The following RELN variants were observed in gnomAD, a reference collection of about 807,000 sequenced individuals.
RELN encodes reelin.
RELN carries 108 observed loss-of-function variants against 427.6 expected under a neutral mutation model. The observed-to-expected ratio is 0.25, with a 90% CI of 0.22 to 0.30. RELN has a LOEUF of 0.30. Ranked by LOEUF, RELN falls within the 10% of genes least tolerant of loss-of-function variation. The pLI is 1.00. For missense variants in RELN, 3,715 were observed against 4,302.8 expected (o/e 0.86, Z 3.82); for synonymous variants, 1,524 against 1,513.4 (o/e 1.01, Z -0.16).
In RELN at chr7:103,604,500, G is replaced by A; in HGVS notation, c.3009-17C>T. 1.2e-6 allele frequency: 2 copies of A among 1,613,660 alleles called. No homozygotes were observed. Among genetic ancestry groups the A allele is most frequent in the Non-Finnish European group, 1.7e-6 (2 of 1,179,686 alleles). ...GCACTGGACCTAGAAACACGGTATA[G>A]TATAACAAAAACGGTTTCAACCTTT... On this transcript the variant is annotated splice_polypyrimidine_tract_variant and intron_variant, in intron 22 of 64. Coordinates refer to ENST00000428762, the MANE Select transcript of RELN (RefSeq NM_005045.4).
At chr7:103,745,644 C>G (rs943583996) in intron 6 of RELN, among the ~76,000 whole-genome samples, 6 of 151,218 alleles carry the variant, frequency 4.0e-5, no homozygotes, top group African/African-American at 9.8e-5. Flanking sequence ...AGAGCCAAAT[C>G]ATGAGTGAAC....
intron 3 of RELN, among the ~76,000 whole-genome samples, chr7:103,830,083 A>C (rs1793239882): frequency 6.6e-6 from 1 of 152,050 alleles, no homozygotes; most frequent in Admixed American, 6.6e-5. Flanking sequence ...TGCCAATTAC[A>C]ATTGTAGGAT....
Position 103,682,413 on chromosome 7 carries a change from T to G in RELN, c.1144-152A>C. 7 of 817,190 alleles carry G rather than the reference T, an allele frequency of 8.6e-6. No homozygotes were observed. In the South Asian group the frequency reaches 1.1e-4, roughly 13 times the overall value. 50.6% of individuals were successfully genotyped at this position (817,190 alleles called of 1,614,324 possible). A position where few individuals can be genotyped will look rare whatever the true frequency, so the allele number is the denominator to read the frequency against. Reference sequence around the variant, plus strand: ...TCAAAAGAGCTTGTTACCTCTTTTTTGCCTTGTTTAATTCAATTACAATTT... The same window carrying G: ...TCAAAAGAGCTTGTTACCTCTTTTTGGCCTTGTTTAATTCAATTACAATTT... On this transcript the variant is annotated intron_variant, in intron 10 of 64. Transcript: ENST00000428762.
intron 51 of RELN, among the ~76,000 whole-genome samples, chr7:103,505,787 C>T (rs1469043474): frequency 1.3e-5 from 2 of 152,080 alleles, no homozygotes; most frequent in Non-Finnish European, 2.9e-5. Flanking sequence ...TAACAAACTC[C>T]TCCAAGCTAA....
intron 10 of RELN, among the ~76,000 whole-genome samples, chr7:103,686,237 C>A (rs1272612856): frequency 6.6e-6 from 1 of 152,134 alleles, no homozygotes; most frequent in African/African-American, 2.4e-5. Flanking sequence ...TCCACATGAG[C>A]AGAGAGCCAT....
At position 103,520,817 on chromosome 7, in the gene RELN, A is replaced by C. The variant is rs1051231667; in HGVS notation, c.7668+1205T>G. On this transcript the variant is annotated intron_variant, in intron 48 of 64. Transcript: ENST00000428762. The stretch of plus-strand genomic sequence containing the variant: ...ACTGCAGTCTTTCTCAGTGTTGCTG[A>C]TTATAAAAAGCCTACATGCTATATG... Among the ~76,000 whole-genome samples the C allele has an allele frequency of 3.3e-5, 5 of 152,066 alleles. No individual in the cohort carries two copies. The South Asian group carries it at 1.0e-3, about 31-fold the overall frequency.
intron 51 of RELN, 135 bp from the exon 52 acceptor site, chr7:103,503,365 ATTTG>A (rs769084536): frequency 1.9e-5 from 15 of 782,762 alleles, no homozygotes; most frequent in Non-Finnish European, 2.6e-5. Flanking sequence ...CAGATTCATT[ATTTG>A]TTCTGCTAAT....
rs148661497 is a variant in RELN at position 103,682,199 on chromosome 7, A to G, written c.1206T>C (p.Asn402=). 2.5e-6 allele frequency: 4 copies of G among 1,614,056 alleles called. No homozygotes were observed. The highest frequency in any genetic ancestry group is 3.4e-6 in the Non-Finnish European group (4 of 1,179,960). ...YFHGNEGSEF[N]FATTRDVDLS... is the part of the protein sequence containing the mutation. Reference sequence around the variant, plus strand: ...GATCTACATCCCTGGTGGTGGCAAAATTGAACTCGCTGCCTTCATTTCCAT... The same window carrying G: ...GATCTACATCCCTGGTGGTGGCAAAGTTGAACTCGCTGCCTTCATTTCCAT... Residue 402 remains asparagine (N), a synonymous_variant, in exon 11 of 65, where the codon AAT becomes AAC. Transcript: ENST00000428762.
At chr7:103,721,659 A>G (rs902875688) in intron 8 of RELN, among the ~76,000 whole-genome samples, 9 of 152,184 alleles carry the variant, frequency 5.9e-5, no homozygotes, top group Non-Finnish European at 4.4e-5. Context: ...AATAAAGTAC[A>G]AATAATATTA....
chr7:103,882,290 C>A (rs944387773), intron 2 of RELN, among the ~76,000 whole-genome samples: 4 of 152,084 alleles, frequency 2.6e-5, no homozygotes, highest in African/African-American at 9.7e-5. Context: ...TGCTCTTTAA[C>A]CTCAAAATTC....
intron 8 of RELN, among the ~76,000 whole-genome samples, chr7:103,714,731 CG>C (rs1359093699): frequency 1.7e-4 from 26 of 152,228 alleles, no homozygotes; most frequent in African/African-American, 6.3e-4. Context: ...GTTACTGTAT[CG>C]GATAATGCTT....
chr7:103,698,818 C>A (rs1329092145), intron 9 of RELN, among the ~76,000 whole-genome samples: 1 of 152,138 alleles, frequency 6.6e-6, no homozygotes, highest in African/African-American at 2.4e-5. Flanking sequence ...CCTGGCAAAG[C>A]TGTGATCTTA....
intron 1 of RELN, among the ~76,000 whole-genome samples, chr7:103,969,248 T>C (rs1796715810): frequency 6.6e-6 from 1 of 152,236 alleles, no homozygotes; most frequent in South Asian, 2.1e-4. Context: ...ACAAATTTTA[T>C]TCAGCAAGAT....
Position 103,573,060 on chromosome 7 carries a change from T to C in RELN, c.4512-800A>G, listed in dbSNP as rs1318489342. On this transcript the variant is annotated intron_variant, in intron 30 of 64. Coordinates refer to ENST00000428762, the MANE Select transcript of RELN (RefSeq NM_005045.4). This position sits in a 1 kb window ranked among gnomAD's most constrained non-coding sequence, Gnocchi z 4.4. ...CCCAAGCGATCCTCCTGCCTCAGCC[T>C]CCTGAGTAGCTGGAACTACAGGCAT... Among the ~76,000 whole-genome samples the C allele has an allele frequency of 6.6e-6, 1 of 152,172 alleles. No homozygotes were observed. Among genetic ancestry groups the C allele is most frequent in the African/African-American group, 2.4e-5 (1 of 41,446 alleles).
rs2116986591 is a variant in RELN, at chr7:103,486,274, G to A, written c.9906C>T (p.Ala3302=). The change falls in exon 61 of 65, where the codon GCC becomes GCT. Residue 3302 remains alanine, a synonymous_variant. Coordinates refer to ENST00000428762, the MANE Select transcript of RELN (RefSeq NM_005045.4). ...CATTAAAGTACAGTGAGTCTCCATG[G>A]GCGTAGGGGGCCAGCTGCCCACAGC... is the stretch of plus-strand genomic sequence containing the variant. The part of the protein sequence containing the change: ...GSGCGQLAPY[A]HGDSLYFNGC... 1.2e-6 allele frequency: 2 copies of A among 1,614,108 alleles called. No homozygotes were observed. Among genetic ancestry groups the A allele is most frequent in the South Asian group, 2.2e-5 (2 of 91,080 alleles).
chr7:103,881,528 T>A (rs374630343), intron 2 of RELN, among the ~76,000 whole-genome samples: 1 of 152,142 alleles, frequency 6.6e-6, no homozygotes, highest in African/African-American at 2.4e-5. Flanking sequence ...ATTGACCTAC[T>A]TCCAGTTCCC....
chr7:103,794,156 G>C (rs1792239896), intron 3 of RELN, among the ~76,000 whole-genome samples: 1 of 152,044 alleles, frequency 6.6e-6, no homozygotes, highest in African/African-American at 2.4e-5. Context: ...ATCTAGACTA[G>C]TGATTCTAGA....
In RELN at chr7:103,574,101, C is replaced by T; in HGVS notation, c.4502G>A (p.Arg1501Lys). Residue 1501 changes from arginine (R) to lysine (K), a missense_variant, in exon 30 of 65, where the codon AGG (arginine) becomes AAG (lysine). Transcript: ENST00000428762. ...REARTVPLDTRNIRLVQFYIQ... is the reference protein window; with the variant it reads ...REARTVPLDTKNIRLVQFYIQ... ...AGTTAATACTTGTTACCTGATATTC[C>T]TGGTGTCCAGAGGGACCGTCCGGGC... The T allele has an allele frequency of 1.2e-6, 2 of 1,613,292 alleles. No individual in the cohort carries two copies. Among genetic ancestry groups the T allele is most frequent in the Non-Finnish European group, 1.7e-6 (2 of 1,179,254 alleles).
chr7:103,860,385 A>T (rs1794044451), intron 2 of RELN, among the ~76,000 whole-genome samples: 1 of 152,160 alleles, frequency 6.6e-6, no homozygotes, highest in Non-Finnish European at 1.5e-5. Context: ...ACGCTGCTTT[A>T]TTGTTCCTTT....
Sources: allele counts gnomAD v4.1 joint callset (sites outside exome capture counted in the v4.1 genomes callset), GRCh38; gene constraint gnomAD v4.1.1; non-coding constraint Gnocchi (gnomAD v3.1); transcripts MANE v1.5; gene names NCBI Gene and HGNC (gene_info 2026-07-23, HGNC 2026-07-21).